The following MX2 variants were observed in gnomAD, a reference collection of about 807,000 sequenced individuals.
MX2 encodes MX dynamin like GTPase 2.
MX2 carries 51 observed loss-of-function variants against 74.0 expected under a neutral mutation model. The observed-to-expected ratio is 0.69, with a 90% CI of 0.55 to 0.87. The LOEUF (loss-of-function observed/expected upper bound fraction) is 0.87. MX2 is among the 40% of genes least tolerant of loss of function. The probability of loss-of-function intolerance (pLI) is 0.00; values close to 1 mark genes in which losing one functional copy is unlikely to be tolerated. For synonymous variants in MX2, 369 were observed against 339.3 expected (o/e 1.09, Z -0.96); for missense variants, 832 against 908.7 (o/e 0.92, Z 1.09).
chr21:41,382,112 G>A (rs1191131026), intron 4 of MX2, among the ~76,000 whole-genome samples: 2 of 152,204 alleles, frequency 1.3e-5, no homozygotes, highest in Admixed American at 6.5e-5. Flanking sequence ...GCACTCACTG[G>A]AAAATGCTAA....
At position 41,380,506 on chromosome 21, in the gene MX2, A is replaced by G. The variant is rs2089475354; in HGVS notation, c.577+355A>G. On this transcript the variant is annotated intron_variant, in intron 4 of 13. Coordinates refer to ENST00000330714, the MANE Select transcript of MX2 (RefSeq NM_002463.2). This position sits in a 1 kb window ranked among gnomAD's most constrained non-coding sequence, Gnocchi z 4.3. ...CCAGGTTTCTCCCCTTCACCTGCCC[A>G]ATCCCTACTCGATCTTTGGATCTCA... Among the ~76,000 whole-genome samples, 1 of 152,040 alleles carries G rather than the reference A, an allele frequency of 6.6e-6. No homozygotes were observed. The highest frequency in any genetic ancestry group is 2.1e-4 in the South Asian group (1 of 4,822).
At chr21:41,374,474 C>G (rs559213906) in intron 1 of MX2, among the ~76,000 whole-genome samples, 2 of 152,198 alleles carry the variant, frequency 1.3e-5, no homozygotes, top group South Asian at 4.1e-4. Flanking sequence ...TGAGCAGGGA[C>G]GGGGAAGGCC....
rs79832047 is a variant in MX2, at chr21:41,382,636, G to A, written c.732+72G>A. Reference sequence around the variant, plus strand: ...AGGGTCAGAGGTCCCCAGGGTCCTGGTGTACCTCCTGGAGCCTTTACACTG... The same window carrying A: ...AGGGTCAGAGGTCCCCAGGGTCCTGATGTACCTCCTGGAGCCTTTACACTG... On this transcript the variant is annotated intron_variant, in intron 5 of 13. Transcript: ENST00000330714. The A allele has an allele frequency of 1.4e-3, 2,237 of 1,586,396 alleles. 33 individuals carry two copies. In the African/African-American group the frequency reaches 0.026, roughly 18 times the overall value.
At position 41,398,954 on chromosome 21, in the gene MX2, G is replaced by A. The variant is rs1186126819; in HGVS notation, c.1207G>A (p.Glu403Lys). 1 of 1,613,996 alleles carries A rather than the reference G, an allele frequency of 6.2e-7. No homozygotes were observed. Among genetic ancestry groups the A allele is most frequent in the African/African-American group, 1.3e-5 (1 of 74,928 alleles). ...GGAGAGCCACCAGAAGGCGACCGAG[G>A]AGCTGCGGCGTTGCGGGGCTGACAT... ...IRESHQKATE[E>K]LRRCGADIPS... Residue 403 changes from glutamate (E) to lysine (K), a missense_variant, in exon 9 of 14, where the codon GAG becomes AAG. Glu to Lys is a moderately conservative substitution (Grantham distance 56). Coordinates refer to ENST00000330714, the MANE Select transcript of MX2 (RefSeq NM_002463.2).
At position 41,409,317 on chromosome 21, in the gene MX2, C is replaced by A. The variant is rs1283067795; in HGVS notation, c.*1084C>A. 1 of 152,070 alleles carries A rather than the reference C, an allele frequency of 6.6e-6. No individual in the cohort carries two copies. Among genetic ancestry groups the A allele is most frequent in the Non-Finnish European group, 1.5e-5 (1 of 67,998 alleles). The allele number at this position is 152,070 out of a possible 1,614,324, so 9.4% of individuals were successfully genotyped here. A position where few individuals can be genotyped will look rare whatever the true frequency, so the allele number is the denominator to read the frequency against. ...AGTGATCATCATTATGGGTAATTTTCTTTTCTTCTTCATGTTTTCCTGTAT... is the reference window on the plus strand; with the variant it reads ...AGTGATCATCATTATGGGTAATTTTATTTTCTTCTTCATGTTTTCCTGTAT... On this transcript the variant is annotated 3_prime_UTR_variant, in exon 14 of 14. Coordinates refer to ENST00000330714, the MANE Select transcript of MX2 (RefSeq NM_002463.2).
intron 3 of MX2, among the ~76,000 whole-genome samples, chr21:41,378,305 G>A (rs914107999): frequency 6.6e-6 from 1 of 151,948 alleles, no homozygotes; most frequent in Non-Finnish European, 1.5e-5. Flanking sequence ...ACAGATCACT[G>A]GGAGAGACAG....
Position 41,408,797 on chromosome 21 carries a change from G to A in MX2, c.*564G>A, listed in dbSNP as rs2089919763. 6.6e-6 allele frequency: 1 copy of A among 152,514 alleles called. No homozygotes were observed. Among genetic ancestry groups the A allele is most frequent in the African/African-American group, 2.4e-5 (1 of 41,460 alleles). 9.4% of individuals were successfully genotyped at this position (152,514 alleles called of 1,614,324 possible). A position where few individuals can be genotyped will look rare whatever the true frequency, so the allele number is the denominator to read the frequency against. Reference sequence around the variant, plus strand: ...CTGCTTCCCATGGTTCACTGTCATTGTGTTTCCCAGCCTCTCCACTCCCCC... The same window carrying A: ...CTGCTTCCCATGGTTCACTGTCATTATGTTTCCCAGCCTCTCCACTCCCCC... On this transcript the variant is annotated 3_prime_UTR_variant, in exon 14 of 14. Transcript: ENST00000330714.
chr21:41,389,954 T>C (rs1022790564), intron 5 of MX2: 2 of 152,254 alleles, frequency 1.3e-5, no homozygotes, highest in Non-Finnish European at 2.9e-5. Flanking sequence ...CTAATAAATT[T>C]TATTAGATTT....
chr21:41,401,918 G>A (rs915009921), intron 10 of MX2, 52 bp from the exon 11 acceptor site: 22 of 1,574,330 alleles, frequency 1.4e-5, no homozygotes, highest in East Asian at 1.1e-4. Context: ...CTAGCTTTAC[G>A]ACGTCTGCAG....
intron 6 of MX2, among the ~76,000 whole-genome samples, chr21:41,393,110 C>CAAAAAAAAAAAAAAAAAAAAAAAAAAAA (rs373955778): frequency 6.7e-5 from 4 of 60,094 alleles, no homozygotes; most frequent in African/African-American, 2.0e-4. Flanking sequence ...CTCAAAAAAG[C>CAAAAAAAAAAAAAAAAAAAAAAAAAAAA]AAAAAAAAAA....
chr21:41,381,556 G>T (rs1271695183), intron 4 of MX2, among the ~76,000 whole-genome samples: 1 of 151,936 alleles, frequency 6.6e-6, no homozygotes, highest in Admixed American at 6.6e-5. Flanking sequence ...GCAGTGGCAG[G>T]CACCTGTAGT....
intron 1 of MX2, among the ~76,000 whole-genome samples, chr21:41,373,428 G>A (rs896710698): frequency 1.3e-5 from 2 of 152,082 alleles, no homozygotes; most frequent in Non-Finnish European, 2.9e-5. Flanking sequence ...AGCAGGGGTG[G>A]GAGCGGTCAT....
At position 41,408,892 on chromosome 21, in the gene MX2, G is replaced by A. The variant is rs1479412608; in HGVS notation, c.*659G>A. The A allele has an allele frequency of 6.6e-6, 1 of 152,200 alleles. No homozygotes were observed. The highest frequency in any genetic ancestry group is 6.5e-5 in the Admixed American group (1 of 15,280). The allele number at this position is 152,200 out of a possible 1,614,324, so 9.4% of individuals were successfully genotyped here. ...GATTATGATGAGCTTCCATTGTTCT[G>A]TTAAGTCTTGAAGAGGAATTTAATA... is the stretch of plus-strand genomic sequence containing the variant. On this transcript the variant is annotated 3_prime_UTR_variant, in exon 14 of 14. Transcript: ENST00000330714.
chr21:41,378,807 A>G (rs77526864), intron 3 of MX2, among the ~76,000 whole-genome samples: 7,378 of 152,264 alleles, frequency 0.048, 287 homozygotes, highest in African/African-American at 0.11. Flanking sequence ...TCCAGAACCC[A>G]AGAAGGAGCA....
chr21:41,362,835 TGCA>T (rs1189927755), intron 1 of MX2, among the ~76,000 whole-genome samples: 7 of 140,318 alleles, frequency 5.0e-5, no homozygotes, highest in Non-Finnish European at 9.1e-5. Flanking sequence ...CATGGCTCAC[TGCA>T]GTCTCAAGCT....
Position 41,398,946 on chromosome 21 carries a change from C to T in MX2, c.1199C>T (p.Ala400Val), listed in dbSNP as rs754926616. ...EGQIRESHQK[A>V]TEELRRCGAD... ...CAAATAAGGGAGAGCCACCAGAAGG[C>T]GACCGAGGAGCTGCGGCGTTGCGGG... Residue 400 changes from alanine to valine, a missense_variant, in exon 9 of 14, where the codon GCG becomes GTG. By Grantham distance (64) the Ala-to-Val change is moderately conservative (BLOSUM62 0). Transcript: ENST00000330714. 6 of 1,613,998 alleles carry T rather than the reference C, an allele frequency of 3.7e-6. No homozygotes were observed. The highest frequency in any genetic ancestry group is 2.7e-5 in the African/African-American group (2 of 75,048).
At chr21:41,393,110 C>CAAAAAAAAAAAAAAAAAAAAGAAAAAAG (rs2089683340) in intron 6 of MX2, among the ~76,000 whole-genome samples, 1 of 60,086 alleles carries the variant, frequency 1.7e-5, no homozygotes, top group African/African-American at 5.0e-5. Context: ...CTCAAAAAAG[C>CAAAAAAAAAAAAAAAAAAAAGAAAAAAG]AAAAAAAAAA....
chr21:41,368,825 C>T lies in MX2; in HGVS notation c.-72+6770C>T, dbSNP rs1013810976. On this transcript the variant is annotated intron_variant, in intron 1 of 13. Coordinates refer to ENST00000330714, the MANE Select transcript of MX2 (RefSeq NM_002463.2). The surrounding 1 kb of genome is among the most constrained non-coding windows in gnomAD (Gnocchi z 4.6). ...GGTTTTGTTCCTGGACCCCTGACTT[C>T]GTCACCAAGGGCAGCTGGCTCCAGC... is the stretch of plus-strand genomic sequence containing the variant. Among the ~76,000 whole-genome samples the T allele has an allele frequency of 6.6e-6, 1 of 152,208 alleles. No individual in the cohort carries two copies. Among genetic ancestry groups the T allele is most frequent in the Non-Finnish European group, 1.5e-5 (1 of 68,034 alleles).
At chr21:41,377,266 C>T (rs2089418618) in intron 2 of MX2, 111 bp downstream of exon 2, 1 of 1,413,734 alleles carries the variant, frequency 7.1e-7, no homozygotes, top group East Asian at 2.3e-5. Flanking sequence ...TCCTCCAGCA[C>T]AGCTGATGTC....
Sources: gnomAD v4.1 joint callset for allele counts (sites outside exome capture counted in the v4.1 genomes callset) on GRCh38, gnomAD v4.1.1 for gene constraint, Gnocchi (gnomAD v3.1) non-coding constraint, MANE v1.5 for transcripts, NCBI Gene and HGNC (gene_info 2026-07-23, HGNC 2026-07-21) for gene names.